MICU1: variants seen among roughly 807,000 people sequenced by gnomAD.
MICU1 encodes the protein mitochondrial calcium uptake 1.
A neutral mutation model predicts 56.8 loss-of-function variants in MICU1; 45 were observed. The observed-to-expected ratio is 0.79, with a 90% confidence interval of 0.62 to 1.02. The LOEUF (loss-of-function observed/expected upper bound fraction) is 1.02, where lower values mean the gene tolerates loss of function less well. Ranked by LOEUF, MICU1 falls within the 50% of genes least tolerant of loss-of-function variation. The pLI is 0.00. For synonymous variants in MICU1, 186 were observed against 195.1 expected, an observed-to-expected ratio of 0.95 and a Z score of 0.39; for missense variants, 504 against 587.1, an observed-to-expected ratio of 0.86 and a Z score of 1.46.
intron 9 of MICU1, among the ~76,000 whole-genome samples, chr10:72,413,025 T>A (rs1490564505): frequency 1.3e-5 from 2 of 151,388 alleles, no homozygotes; most frequent in Non-Finnish European, 2.9e-5. Flanking sequence ...GGTGAAACCC[T>A]GTCTCTACTA....
chr10:72,548,318 T>C (rs891874456), intron 4 of MICU1, among the ~76,000 whole-genome samples: 5 of 152,226 alleles, frequency 3.3e-5, no homozygotes, highest in East Asian at 3.9e-4. Flanking sequence ...AAGAGACATA[T>C]CAATCAAATG....
At chr10:72,527,008 G>A (rs1453850912) in intron 5 of MICU1, among the ~76,000 whole-genome samples, 3 of 151,630 alleles carry the variant, frequency 2.0e-5, no homozygotes, top group African/African-American at 7.3e-5. Flanking sequence ...CAATAATGGA[G>A]CCAGTAACAG....
intron 1 of MICU1, among the ~76,000 whole-genome samples, chr10:72,605,098 G>C (rs558863495): frequency 6.6e-6 from 1 of 152,138 alleles, no homozygotes; most frequent in African/African-American, 2.4e-5. Context: ...CAAAGACCCC[G>C]CTAATAAAAC....
At chr10:72,511,591 CTAAGTCTTTTCATGAGA>C (rs1176758970) in intron 5 of MICU1, among the ~76,000 whole-genome samples, 1 of 152,096 alleles carries the variant, frequency 6.6e-6, no homozygotes, top group African/African-American at 2.4e-5. Flanking sequence ...GAGAACAAAC[CTAAGTCTTTTCATGAGA>C]TAAGTTAAAA....
chr10:72,538,954 G>T (rs1301232553), intron 4 of MICU1, among the ~76,000 whole-genome samples: 1 of 151,976 alleles, frequency 6.6e-6, no homozygotes, highest in Non-Finnish European at 1.5e-5. Flanking sequence ...GCTATACCCA[G>T]ATAAAATAGA....
chr10:72,451,402 G>A (rs1394654852), intron 8 of MICU1, among the ~76,000 whole-genome samples: 1 of 152,076 alleles, frequency 6.6e-6, no homozygotes, highest in African/African-American at 2.4e-5. Context: ...CAATGTGAAT[G>A]GCCAATATAA....
At chr10:72,448,119 ATATGTG>A (rs140891549) in intron 8 of MICU1, among the ~76,000 whole-genome samples, 6,179 of 47,628 alleles carry the variant, frequency 0.13, 402 homozygotes, top group East Asian at 0.31. Context: ...AAGTTTATAT[ATATGTG>A]TGTGTGTGTG....
intron 2 of MICU1, among the ~76,000 whole-genome samples, chr10:72,566,043 T>C (rs927019789): frequency 5.1e-4 from 71 of 139,562 alleles, no homozygotes; most frequent in African/African-American, 1.8e-3. Context: ...CATTTTCTTT[T>C]TTTTTTTTTT....
chr10:72,420,969 T>C (rs1394602352), intron 9 of MICU1, among the ~76,000 whole-genome samples: 1 of 139,552 alleles, frequency 7.2e-6, no homozygotes, highest in African/African-American at 2.7e-5. Flanking sequence ...GCCATTGCAT[T>C]CCAGCCTGGG....
chr10:72,370,023 C>A (rs943967365), intron 11 of MICU1, among the ~76,000 whole-genome samples: 2 of 152,078 alleles, frequency 1.3e-5, no homozygotes, highest in African/African-American at 2.4e-5. Context: ...ACCACAGGCA[C>A]CCGCCATCAT....
At chr10:72,400,171 A>C (rs1863404274) in intron 10 of MICU1, among the ~76,000 whole-genome samples, 1 of 152,230 alleles carries the variant, frequency 6.6e-6, no homozygotes, top group Non-Finnish European at 1.5e-5. Flanking sequence ...ATTAGCAAGG[A>C]TAATGAGACA....
chr10:72,590,496 C>A lies in MICU1; in HGVS notation c.-1-23702G>T, dbSNP rs190425748. Among the ~76,000 whole-genome samples the A allele has an allele frequency of 3.4e-3, 523 of 152,148 alleles. 3 individuals carry two copies. The highest frequency in any genetic ancestry group is 0.011 in the African/African-American group (474 of 41,516). ...TTGCTCTCGATAATGGATAGAACAACCACGTAGAAGATAAGTAAGAAAACA... is the reference window on the plus strand; with the variant it reads ...TTGCTCTCGATAATGGATAGAACAAACACGTAGAAGATAAGTAAGAAAACA... On this transcript the variant is annotated intron_variant, in intron 1 of 11. Coordinates refer to ENST00000361114, the MANE Select transcript of MICU1 (RefSeq NM_001195518.2).
chr10:72,423,210 C>T (rs372963904), intron 9 of MICU1, 24 bp downstream of exon 9: 15 of 1,606,160 alleles, frequency 9.3e-6, no homozygotes, highest in Non-Finnish European at 1.2e-5. Context: ...GGTTTCTCTT[C>T]TTCCTCCAGC....
rs200190790 is a variant in MICU1, at chr10:72,579,601, G to GT, written c.-1-12808dup. 7.2e-3 allele frequency among the ~76,000 whole-genome samples: 1,074 copies of GT among 148,260 alleles called. 14 individuals carry two copies. Among genetic ancestry groups the GT allele is most frequent in the African/African-American group, 0.025 (941 of 38,400 alleles). On this transcript the variant is annotated intron_variant, in intron 1 of 11. Coordinates refer to ENST00000361114, the MANE Select transcript of MICU1 (RefSeq NM_001195518.2). ...ATTTTTTTCATTTTATTAATAGTAT[G>GT]TTTTTTTTTACCATTAAGTACATAT... is the stretch of plus-strand genomic sequence containing the variant.
At chr10:72,455,472 T>C (rs1043674876) in intron 8 of MICU1, among the ~76,000 whole-genome samples, 2 of 151,714 alleles carry the variant, frequency 1.3e-5, no homozygotes, top group African/African-American at 4.8e-5. Context: ...TATGTTATCA[T>C]GTGTTCTATG....
chr10:72,437,972 A>G (rs2132173641), intron 8 of MICU1, among the ~76,000 whole-genome samples: 1 of 152,328 alleles, frequency 6.6e-6, no homozygotes, highest in East Asian at 1.9e-4. Context: ...CCCCACTGTC[A>G]ATATTAGACA....
At position 72,620,782 on chromosome 10, in the gene MICU1, C is replaced by T. The variant is rs373876141; in HGVS notation, c.-2+5228G>A. On this transcript the variant is annotated intron_variant, in intron 1 of 11. Transcript: ENST00000361114. ...GATGTGGCAATATTTAACTTTTCAA[C>T]GACAGGTTATTAATTATATTTAATG... is the stretch of plus-strand genomic sequence containing the variant. Among the ~76,000 whole-genome samples the T allele has an allele frequency of 4.6e-5, 7 of 152,308 alleles. No individual in the cohort carries two copies. In the East Asian group the frequency reaches 7.7e-4, roughly 17 times the overall value.
chr10:72,565,184 G>A (rs768787782), intron 2 of MICU1, among the ~76,000 whole-genome samples: 21 of 150,470 alleles, frequency 1.4e-4, no homozygotes, highest in African/African-American at 2.7e-4. Context: ...AAAGACACAC[G>A]CACACGTATG....
chr10:72,395,248 C>T (rs1272358000), intron 10 of MICU1, among the ~76,000 whole-genome samples: 1 of 151,934 alleles, frequency 6.6e-6, no homozygotes, highest in African/African-American at 2.4e-5. Context: ...ATCTCCTGAC[C>T]TTGTGATCGG....
Sources: allele counts gnomAD v4.1 joint callset (sites outside exome capture counted in the v4.1 genomes callset), GRCh38; gene constraint gnomAD v4.1.1; transcripts MANE v1.5; gene names NCBI Gene and HGNC (gene_info 2026-07-23, HGNC 2026-07-21).